Variants in ABCA1 observed in about 807,000 individuals in gnomAD.
ABCA1 encodes ATP binding cassette subfamily A member 1.
ABCA1 carries 133 observed loss-of-function variants against 262.5 expected under a neutral mutation model. The ratio of observed to expected loss-of-function variants is 0.51; its 90% CI spans 0.44 to 0.59. ABCA1 has a LOEUF of 0.59. Among genes scored for constraint, ABCA1 ranks in the 20% least tolerant of loss-of-function variants. The pLI, the probability that ABCA1 is intolerant of heterozygous loss-of-function variation, is 0.00. For missense variants in ABCA1, 2,452 were observed against 2,777.5 expected, an observed-to-expected ratio of 0.88 and a Z score of 2.63; for synonymous variants, 1,022 against 1,043.5, an observed-to-expected ratio of 0.98 and a Z score of 0.40.
At chr9:104,844,070 C>A (rs985116250) in intron 8 of ABCA1, among the ~76,000 whole-genome samples, 1 of 150,400 alleles carries the variant, frequency 6.6e-6, no homozygotes, top group African/African-American at 2.5e-5. Context: ...GTGAAAACAG[C>A]TGTAACCAAA....
intron 2 of ABCA1, among the ~76,000 whole-genome samples, chr9:104,893,636 A>G (rs2118363757): frequency 6.6e-6 from 1 of 152,202 alleles, no homozygotes; most frequent in Middle Eastern, 3.4e-3. Flanking sequence ...TACTTAATTT[A>G]ATCCTCAGGA....
At chr9:104,902,516 T>G (rs910694431) in intron 2 of ABCA1, among the ~76,000 whole-genome samples, 1 of 152,236 alleles carries the variant, frequency 6.6e-6, no homozygotes, top group Non-Finnish European at 1.5e-5. Context: ...TTTAAGGTAT[T>G]AATTTGAATG....
intron 31 of ABCA1, among the ~76,000 whole-genome samples, chr9:104,805,344 A>G (rs980683145): frequency 6.6e-6 from 1 of 152,104 alleles, no homozygotes; most frequent in Non-Finnish European, 1.5e-5. Flanking sequence ...CAAAATACTG[A>G]GATTACAGGT....
At chr9:104,898,441 G>C (rs577194775) in intron 2 of ABCA1, among the ~76,000 whole-genome samples, 20 of 152,124 alleles carry the variant, frequency 1.3e-4, no homozygotes, top group Non-Finnish European at 1.9e-4. Context: ...CCAGCTACTA[G>C]GAGGCTGAGG....
intron 2 of ABCA1, among the ~76,000 whole-genome samples, chr9:104,891,966 TAAAA>T (rs570923490): frequency 0.021 from 1,250 of 59,200 alleles, 39 homozygotes; most frequent in African/African-American, 0.096. Context: ...CTCTGTCTCT[TAAAA>T]AAAAAAAAAA....
intron 4 of ABCA1, 96 bp from the exon 5 acceptor site, chr9:104,883,253 G>C (rs890531617): frequency 2.8e-6 from 3 of 1,086,822 alleles, no homozygotes; most frequent in Non-Finnish European, 4.2e-6. Context: ...AACTCAGCCT[G>C]GCTCCCAGGT....
intron 42 of ABCA1, 32 bp from the exon 43 acceptor site, chr9:104,792,030 C>A: frequency 6.2e-7 from 1 of 1,600,356 alleles, no homozygotes; most frequent in South Asian, 1.1e-5. Context: ...CATTCATAAG[C>A]CTCAGTGACT....
rs529573174 is a variant in ABCA1, at chr9:104,785,561, T to C, written c.6480A>G (p.Gly2160=). ...PDLKPVQDFF[G]LAFPGSVLKE... ...TTAGAACACTTCCAGGAAATGCAAG[T>C]CCAAAGAAATCCTGGACAGGCTTCA... The change falls in exon 49 of 50, where the codon GGA becomes GGG. Residue 2160 remains glycine (G), a synonymous_variant. Coordinates refer to ENST00000374736, the MANE Select transcript of ABCA1 (RefSeq NM_005502.4). 1.9e-6 allele frequency: 3 copies of C among 1,613,966 alleles called. No individual in the cohort carries two copies. Among genetic ancestry groups the C allele is most frequent in the Non-Finnish European group, 1.7e-6 (2 of 1,179,994 alleles).
At chr9:104,847,287 T>C (rs562948507) in intron 7 of ABCA1, among the ~76,000 whole-genome samples, 6 of 152,332 alleles carry the variant, frequency 3.9e-5, no homozygotes, top group African/African-American at 7.2e-5. Context: ...GGGGTAGCTA[T>C]AGAACCCTGG....
rs566681749 is a variant in ABCA1, at chr9:104,842,532, C to T, written c.814-2013G>A. 3.3e-4 allele frequency among the ~76,000 whole-genome samples: 50 copies of T among 152,300 alleles called. No individual in the cohort carries two copies. In the South Asian group the frequency reaches 8.5e-3, roughly 26 times the overall value. On this transcript the variant is annotated intron_variant, in intron 8 of 49. Coordinates refer to ENST00000374736, the MANE Select transcript of ABCA1 (RefSeq NM_005502.4). ...CAAACTATTGACTCTTCCCAGCACC[C>T]GTTTCAGGGGTAAACTCTTACTCTT...
At chr9:104,814,591 GA>G in intron 25 of ABCA1, 116 bp from the exon 26 acceptor site, 1 of 1,052,086 alleles carries the variant, frequency 9.5e-7, no homozygotes, top group Non-Finnish European at 1.5e-6. Flanking sequence ...AGAGAAAGTA[GA>G]AGCCACATTT....
intron 34 of ABCA1, among the ~76,000 whole-genome samples, 169 bp downstream of exon 34, chr9:104,801,885 A>C (rs1830369802): frequency 6.6e-6 from 1 of 152,178 alleles, no homozygotes; most frequent in Admixed American, 6.5e-5. Context: ...CGTACAACTA[A>C]GTAATTCAGT....
chr9:104,788,184 G>A, intron 45 of ABCA1, 130 bp from the exon 46 acceptor site: 2 of 1,228,830 alleles, frequency 1.6e-6, no homozygotes, highest in South Asian at 1.2e-5. Context: ...GACAACTGGT[G>A]AGGAGCCAAA....
At chr9:104,812,231 T>C (rs1284185099) in intron 28 of ABCA1, among the ~76,000 whole-genome samples, 1 of 152,180 alleles carries the variant, frequency 6.6e-6, no homozygotes, top group Non-Finnish European at 1.5e-5. Context: ...ACTTTGTCCT[T>C]TTTATGTTCT....
chr9:104,854,563 G>C (rs970805842), intron 7 of ABCA1, among the ~76,000 whole-genome samples: 27 of 152,112 alleles, frequency 1.8e-4, no homozygotes, highest in Non-Finnish European at 1.9e-4. Flanking sequence ...GGAGGTTTCT[G>C]TGAGACAGGA....
chr9:104,796,235 C>A, intron 38 of ABCA1, 38 bp from the exon 39 acceptor site: 1 of 1,614,084 alleles, frequency 6.2e-7, no homozygotes, highest in South Asian at 1.1e-5. Flanking sequence ...TACTGAGAGT[C>A]CCTGCCCTCC....
At chr9:104,791,140 A>G (rs1467061398) in intron 43 of ABCA1, 112 bp from the exon 44 acceptor site, 3 of 761,720 alleles carry the variant, frequency 3.9e-6, no homozygotes, top group Non-Finnish European at 6.9e-6. Flanking sequence ...GAAGAATCAA[A>G]TATTTTCTTG....
rs749717998 is a variant in ABCA1, at chr9:104,821,481, G to A, written c.2854C>T (p.Pro952Ser). ...TMSILTGLFP[P>S]TSGTAYILGK... ...AGGATGTAGGCGGTGCCCGAGGTCG[G>A]GGGGAACAACCCGGTCAGGATTGAC... Residue 952 changes from proline (P) to serine (S), a missense_variant, in exon 20 of 50, where the codon CCG becomes TCG. Transcript: ENST00000374736. 4 of 1,614,030 alleles carry A rather than the reference G, an allele frequency of 2.5e-6. No individual in the cohort carries two copies. The highest frequency in any genetic ancestry group is 1.7e-4 in the Middle Eastern group (1 of 5,948).
chr9:104,851,920 T>A (rs937816727), intron 7 of ABCA1, among the ~76,000 whole-genome samples: 7 of 152,206 alleles, frequency 4.6e-5, no homozygotes, highest in Admixed American at 2.6e-4. Context: ...AGAAAACACA[T>A]CTGTGCAATT....
Sources: gnomAD v4.1 joint callset for allele counts (sites outside exome capture counted in the v4.1 genomes callset) on GRCh38, gnomAD v4.1.1 for gene constraint, MANE v1.5 for transcripts, NCBI Gene and HGNC (gene_info 2026-07-23, HGNC 2026-07-21) for gene names.